GABRA1: variants seen among roughly 807,000 people sequenced by gnomAD.
GABRA1 encodes gamma-aminobutyric acid type A receptor subunit alpha1.
A neutral mutation model predicts 48.9 loss-of-function variants in GABRA1; 9 were observed. The observed-to-expected ratio is 0.18, with a 90% CI of 0.11 to 0.32. The LOEUF (loss-of-function observed/expected upper bound fraction) is 0.32. GABRA1 is among the 10% of genes least tolerant of loss of function. The pLI is 1.00. For synonymous variants in GABRA1, 210 were observed against 198.7 expected (o/e 1.06, Z -0.48); for missense variants, 285 against 553.8 (o/e 0.51, Z 4.87).
At chr5:161,895,974 A>C in intron 9 of GABRA1, 106 bp downstream of exon 9, 1 of 958,100 alleles carries the variant, frequency 1.0e-6, no homozygotes, top group South Asian at 1.3e-5. Context: ...CAGAATAATA[A>C]GGATTCTTTT....
chr5:161,868,454 C>T (rs1753971069), intron 4 of GABRA1, among the ~76,000 whole-genome samples: 1 of 151,570 alleles, frequency 6.6e-6, no homozygotes. Context: ...AGATTAAATC[C>T]CCTTCCTTCC....
At chr5:161,882,281 G>A in intron 6 of GABRA1, 1 of 469,948 alleles carries the variant, frequency 2.1e-6, no homozygotes, top group Non-Finnish European at 3.9e-6. Context: ...ATAAGATAAA[G>A]AACATTTGTT....
rs575389543 is a variant in GABRA1, at chr5:161,862,329, C to T, written c.188-3392C>T. 1.4e-3 allele frequency among the ~76,000 whole-genome samples: 208 copies of T among 151,974 alleles called. 2 individuals are homozygous for T. The highest frequency in any genetic ancestry group is 4.7e-3 in the African/African-American group (195 of 41,512). ...ATCACCAGGATCCAGATATACTGCA[C>T]TTTCTGTTTCTTAAACATAACACAT... On this transcript the variant is annotated intron_variant, in intron 3 of 9. Transcript: ENST00000393943.
intron 3 of GABRA1, among the ~76,000 whole-genome samples, chr5:161,863,961 A>T (rs1374341612): frequency 1.3e-5 from 2 of 151,918 alleles, no homozygotes; most frequent in African/African-American, 4.8e-5. Flanking sequence ...AGAGTTTTCC[A>T]GCCACAGAAA....
chr5:161,860,697 A>G (rs1757819984), intron 3 of GABRA1, among the ~76,000 whole-genome samples: 1 of 150,914 alleles, frequency 6.6e-6, no homozygotes, highest in Non-Finnish European at 1.5e-5. Flanking sequence ...CCTGTTTTCT[A>G]TGATGTGATT....
intron 2 of GABRA1, among the ~76,000 whole-genome samples, chr5:161,851,414 T>C (rs1757441909): frequency 6.6e-6 from 1 of 152,104 alleles, no homozygotes; most frequent in African/African-American, 2.4e-5. Flanking sequence ...GAGACAAATA[T>C]TTAAGAACTT....
At chr5:161,893,039 T>C (rs528314085) in intron 8 of GABRA1, among the ~76,000 whole-genome samples, 13 of 142,344 alleles carry the variant, frequency 9.1e-5, no homozygotes, top group African/African-American at 3.3e-4. Flanking sequence ...ATAATAATAA[T>C]AATAATAATA....
intron 3 of GABRA1, 127 bp downstream of exon 3, chr5:161,854,397 T>G: frequency 1.4e-6 from 1 of 701,646 alleles, no homozygotes; most frequent in Non-Finnish European, 2.6e-6. Context: ...AAATCTATTT[T>G]TAATGGATCA....
At chr5:161,883,484 T>G (rs1242452085) in intron 7 of GABRA1, among the ~76,000 whole-genome samples, 1 of 152,160 alleles carries the variant, frequency 6.6e-6, no homozygotes, top group Non-Finnish European at 1.5e-5. Flanking sequence ...CTATCTGAAA[T>G]GTGATCATCA....
intron 6 of GABRA1, among the ~76,000 whole-genome samples, chr5:161,876,982 T>C (rs1462139646): frequency 6.6e-6 from 1 of 152,182 alleles, no homozygotes. Context: ...TTGCCATGGC[T>C]GGAGTCCAGT....
chr5:161,870,954 G>C (rs1754091201), intron 4 of GABRA1, among the ~76,000 whole-genome samples: 1 of 54,516 alleles, frequency 1.8e-5, no homozygotes, highest in Non-Finnish European at 6.2e-5. Context: ...CTCTGTGTGT[G>C]TGTGTGTGTG....
chr5:161,865,679 C>G (rs41304896), intron 3 of GABRA1, 42 bp from the exon 4 acceptor site: 4 of 1,493,128 alleles, frequency 2.7e-6, no homozygotes, highest in African/African-American at 2.8e-5. Flanking sequence ...CTAATAAGGA[C>G]GGTTGACAGA....
At chr5:161,860,474 G>A (rs911139340) in intron 3 of GABRA1, among the ~76,000 whole-genome samples, 1 of 150,948 alleles carries the variant, frequency 6.6e-6, no homozygotes, top group Non-Finnish European at 1.5e-5. Context: ...TGGTTATCAG[G>A]CAGGGTAGGG....
At chr5:161,869,110 G>C (rs1297611145) in intron 4 of GABRA1, among the ~76,000 whole-genome samples, 1 of 152,130 alleles carries the variant, frequency 6.6e-6, no homozygotes, top group Non-Finnish European at 1.5e-5. Context: ...TTGTGTACAA[G>C]AAGAAGCAGC....
chr5:161,862,166 G>A (rs188316984), intron 3 of GABRA1, among the ~76,000 whole-genome samples: 1 of 151,862 alleles, frequency 6.6e-6, no homozygotes. Flanking sequence ...TAGACTGCAA[G>A]TTACATCATT....
chr5:161,847,424 G>A (rs542482686), upstream of GABRA1: 2 of 152,318 alleles, frequency 1.3e-5, no homozygotes, highest in South Asian at 4.1e-4. Flanking sequence ...AACAGCGCCT[G>A]CGTTTTCTCC....
chr5:161,854,434 A>G (rs537559950), intron 3 of GABRA1, among the ~76,000 whole-genome samples, 164 bp downstream of exon 3: 47 of 151,902 alleles, frequency 3.1e-4, no homozygotes, highest in African/African-American at 1.1e-3. Context: ...GTTACTCTGT[A>G]GTTTCATATC....
chr5:161,870,770 A>G (rs1196002749), intron 4 of GABRA1, among the ~76,000 whole-genome samples: 4 of 152,202 alleles, frequency 2.6e-5, no homozygotes, highest in Non-Finnish European at 5.9e-5. Context: ...GCTTCTGGGA[A>G]CTACCTGCTG....
At chr5:161,893,008 AAAATAAT>A (rs1561586164) in intron 8 of GABRA1, among the ~76,000 whole-genome samples, 1 of 72,434 alleles carries the variant, frequency 1.4e-5, no homozygotes, top group Non-Finnish European at 2.5e-5. Flanking sequence ...CCTTCTCAAA[AAAATAAT>A]AATAATAATA....
Sources: allele counts gnomAD v4.1 joint callset (sites outside exome capture counted in the v4.1 genomes callset), GRCh38; gene constraint gnomAD v4.1.1; transcripts MANE v1.5; gene names NCBI Gene and HGNC (gene_info 2026-07-23, HGNC 2026-07-21).